The following STAU2 variants were observed in gnomAD, a reference collection of about 807,000 sequenced individuals.
STAU2 encodes staufen double-stranded RNA binding protein 2.
A neutral mutation model predicts 65.9 loss-of-function variants in STAU2; 20 were observed. The ratio of observed to expected loss-of-function variants is 0.30; its 90% CI spans 0.21 to 0.44. The LOEUF is 0.44. Ranked by LOEUF, STAU2 falls within the 20% of genes least tolerant of loss-of-function variation. The pLI, the probability that STAU2 is intolerant of heterozygous loss-of-function variation, is 1.00. For missense variants in STAU2, 558 were observed against 683.9 expected, an observed-to-expected ratio of 0.82 and a Z score of 2.05; for synonymous variants, 232 against 233.9, an observed-to-expected ratio of 0.99 and a Z score of 0.07.
chr8:73,704,731 C>T (rs1329084550), intron 4 of STAU2, among the ~76,000 whole-genome samples: 2 of 152,066 alleles, frequency 1.3e-5, no homozygotes, highest in Non-Finnish European at 2.9e-5. Context: ...TGCAGTGGCG[C>T]GATCTCAGCT....
chr8:73,582,560 C>T (rs1284470950), intron 12 of STAU2, among the ~76,000 whole-genome samples: 1 of 151,914 alleles, frequency 6.6e-6, no homozygotes, highest in Non-Finnish European at 1.5e-5. Context: ...AGTCTGTCTG[C>T]AATGGCTTAA....
At chr8:73,708,946 C>A in intron 4 of STAU2, 86 bp downstream of exon 4, 1 of 1,332,744 alleles carries the variant, frequency 7.5e-7, no homozygotes. Context: ...AACCCCCACT[C>A]CCCAAAATAA....
intron 13 of STAU2, among the ~76,000 whole-genome samples, chr8:73,445,567 A>G (rs1457169254): frequency 6.6e-6 from 1 of 152,168 alleles, no homozygotes; most frequent in African/African-American, 2.4e-5. Flanking sequence ...AGAGAAGGAA[A>G]ATGACAAGCT....
chr8:73,732,453 G>C (rs1806134802), intron 3 of STAU2: 1 of 151,962 alleles, frequency 6.6e-6, no homozygotes, highest in African/African-American at 2.4e-5. Context: ...GGGATCATTG[G>C]GGGCCATCTT....
intron 6 of STAU2, chr8:73,652,724 CA>C (rs35114291): frequency 1.3e-3 from 129 of 96,256 alleles, no homozygotes; most frequent in Middle Eastern, 5.5e-3. Flanking sequence ...GACTCTGTCC[CA>C]AAAAAAAAAA....
chr8:73,626,542 A>G (rs959885244), intron 6 of STAU2, among the ~76,000 whole-genome samples: 1 of 152,224 alleles, frequency 6.6e-6, no homozygotes, highest in African/African-American at 2.4e-5. Flanking sequence ...AATAGGTGAC[A>G]AGCCATTCCA....
chr8:73,495,662 A>AAAATATATATATATAT (rs1554597325), intron 13 of STAU2, among the ~76,000 whole-genome samples: 1 of 132,502 alleles, frequency 7.5e-6, no homozygotes, highest in Admixed American at 7.3e-5. Flanking sequence ...CATAAAGCCA[A>AAAATATATATATATAT]ATATATATAT....
chr8:73,648,944 C>T (rs550689903), intron 6 of STAU2, among the ~76,000 whole-genome samples: 3 of 152,212 alleles, frequency 2.0e-5, no homozygotes, highest in South Asian at 4.2e-4. Context: ...GTAGCTGGGA[C>T]TACAGGCCTG....
At chr8:73,550,915 A>G (rs2128942596) in intron 13 of STAU2, 1 of 986,330 alleles carries the variant, frequency 1.0e-6, no homozygotes, top group Non-Finnish European at 1.2e-6. Context: ...TTTTCATTTT[A>G]TAATCTAAAC....
chr8:73,684,573 C>CA (rs1818660360), intron 5 of STAU2, among the ~76,000 whole-genome samples: 1 of 152,084 alleles, frequency 6.6e-6, no homozygotes, highest in Non-Finnish European at 1.5e-5. Flanking sequence ...ACCAAGAACC[C>CA]AAAAGCAAAT....
At chr8:73,506,512 C>T (rs1233487736) in intron 13 of STAU2, among the ~76,000 whole-genome samples, 3 of 152,096 alleles carry the variant, frequency 2.0e-5, no homozygotes, top group Non-Finnish European at 4.4e-5. Flanking sequence ...AAAGAACATA[C>T]TTTAATTTTA....
intron 13 of STAU2, among the ~76,000 whole-genome samples, chr8:73,506,266 C>T (rs970165796): frequency 2.0e-5 from 3 of 152,214 alleles, no homozygotes; most frequent in Admixed American, 6.5e-5. Flanking sequence ...CCCCTGTGCA[C>T]GTATGCAGTG....
rs1391349827 is a variant in STAU2, at chr8:73,716,923, G to A, written c.-17-7761C>T. On this transcript the variant is annotated intron_variant, in intron 3 of 14. Coordinates refer to ENST00000524300, the MANE Select transcript of STAU2 (RefSeq NM_001164380.2). ...GTTCAAAACCAGTCTGGGCAACATG[G>A]TACCCCGCCTCTATTAAAAATACAA... is the stretch of plus-strand genomic sequence containing the variant. Among the ~76,000 whole-genome samples, 4 of 151,888 alleles carry A rather than the reference G, an allele frequency of 2.6e-5. 1 individual carries two copies. Among genetic ancestry groups the A allele is most frequent in the African/African-American group, 9.7e-5 (4 of 41,326 alleles).
chr8:73,507,366 C>G (rs1434636607), intron 13 of STAU2, among the ~76,000 whole-genome samples: 2 of 150,632 alleles, frequency 1.3e-5, no homozygotes, highest in Non-Finnish European at 3.0e-5. Flanking sequence ...TCTCCTTGTA[C>G]ATCTCCATCA....
At chr8:73,574,744 C>A (rs976306842) in intron 12 of STAU2, among the ~76,000 whole-genome samples, 25 of 152,046 alleles carry the variant, frequency 1.6e-4, no homozygotes, top group Non-Finnish European at 2.9e-4. Context: ...ACATCACACA[C>A]TGGGGCCTGT....
chr8:73,618,968 G>A (rs6989701), intron 6 of STAU2, among the ~76,000 whole-genome samples: 2,730 of 152,216 alleles, frequency 0.018, 74 homozygotes, highest in African/African-American at 0.059. Context: ...TTTGCTGGGG[G>A]TGGATTTCAA....
intron 13 of STAU2, among the ~76,000 whole-genome samples, chr8:73,530,861 G>C (rs1323200109): frequency 6.6e-6 from 1 of 152,082 alleles, no homozygotes; most frequent in Non-Finnish European, 1.5e-5. Context: ...CTCACCAACA[G>C]AGGAGGTCAG....
intron 3 of STAU2, among the ~76,000 whole-genome samples, chr8:73,723,289 C>A (rs1821812461): frequency 6.6e-6 from 1 of 152,176 alleles, no homozygotes; most frequent in African/African-American, 2.4e-5. Context: ...CTGGCCCCAG[C>A]CAGGAATCAA....
chr8:73,610,960 T>C (rs537225555), intron 9 of STAU2, among the ~76,000 whole-genome samples: 8 of 152,154 alleles, frequency 5.3e-5, no homozygotes, highest in Non-Finnish European at 7.4e-5. Flanking sequence ...TTCTTAAATA[T>C]AAAGGGCCTC....
Sources: allele counts gnomAD v4.1 joint callset (sites outside exome capture counted in the v4.1 genomes callset), GRCh38; gene constraint gnomAD v4.1.1; transcripts MANE v1.5; gene names NCBI Gene and HGNC (gene_info 2026-07-23, HGNC 2026-07-21).